SLC4A7: variants seen among roughly 807,000 people sequenced by gnomAD.
The protein encoded by SLC4A7 is sodium bicarbonate cotransporter 3.
In SLC4A7, 51 loss-of-function variants were observed where a neutral mutation model predicts 137.6. That is an observed-to-expected ratio of 0.37 (90% CI 0.30 to 0.47). The LOEUF (loss-of-function observed/expected upper bound fraction) is 0.47. Ranked by LOEUF, SLC4A7 falls within the 20% of genes least tolerant of loss-of-function variation. SLC4A7 has a pLI of 1.00. For synonymous variants in SLC4A7, 542 were observed against 518.6 expected (o/e 1.05, Z -0.61); for missense variants, 1,247 against 1,525.4 (o/e 0.82, Z 3.04).
chr3:27,393,514 C>T (rs944524679), intron 20 of SLC4A7, among the ~76,000 whole-genome samples: 3 of 152,050 alleles, frequency 2.0e-5, no homozygotes, highest in African/African-American at 7.2e-5. Flanking sequence ...AAAGGGGAAC[C>T]TGCATATACA....
At chr3:27,451,937 T>C (rs557595893) in intron 2 of SLC4A7, among the ~76,000 whole-genome samples, 7 of 152,216 alleles carry the variant, frequency 4.6e-5, no homozygotes, top group African/African-American at 1.7e-4. Flanking sequence ...AAAGAAACCA[T>C]TTGCCAGGAC....
At chr3:27,451,760 T>C (rs371033885) in intron 2 of SLC4A7, among the ~76,000 whole-genome samples, 1 of 152,120 alleles carries the variant, frequency 6.6e-6, no homozygotes, top group African/African-American at 2.4e-5. Context: ...TAGTAATTAG[T>C]CAGATTCTAA....
At chr3:27,383,540 T>A (rs1452939072) in intron 23 of SLC4A7, among the ~76,000 whole-genome samples, 1 of 152,240 alleles carries the variant, frequency 6.6e-6, no homozygotes, top group African/African-American at 2.4e-5. Flanking sequence ...TCAATTATTA[T>A]GTAGGTTTAT....
intron 6 of SLC4A7, among the ~76,000 whole-genome samples, chr3:27,432,390 C>T (rs2056386177): frequency 6.6e-6 from 1 of 152,104 alleles, no homozygotes; most frequent in African/African-American, 2.4e-5. Flanking sequence ...AAAACAAATA[C>T]ATATAATTTT....
At chr3:27,482,538 A>T (rs1488349766) in intron 1 of SLC4A7, among the ~76,000 whole-genome samples, 4 of 152,220 alleles carry the variant, frequency 2.6e-5, no homozygotes, top group Non-Finnish European at 5.9e-5. Flanking sequence ...TGGGAGGCCG[A>T]GGCGGGTGGA....
intron 5 of SLC4A7, among the ~76,000 whole-genome samples, chr3:27,435,945 A>G (rs2150400392): frequency 6.6e-6 from 1 of 152,338 alleles, no homozygotes; most frequent in Non-Finnish European, 1.5e-5. Flanking sequence ...AGAAATCTGT[A>G]TATTCACACA....
chr3:27,388,921 C>A (rs938128688), intron 22 of SLC4A7, among the ~76,000 whole-genome samples: 2 of 112,326 alleles, frequency 1.8e-5, no homozygotes, highest in Non-Finnish European at 4.8e-5. Flanking sequence ...AGTTTATTGA[C>A]CTCTGCTCTA....
intron 6 of SLC4A7, among the ~76,000 whole-genome samples, chr3:27,433,614 C>T (rs1021229133): frequency 1.3e-5 from 2 of 151,646 alleles, no homozygotes; most frequent in African/African-American, 4.9e-5. Flanking sequence ...TCCAAAAACA[C>T]TTGTTTATAC....
chr3:27,411,559 C>T, intron 12 of SLC4A7, 83 bp downstream of exon 12: 3 of 661,670 alleles, frequency 4.5e-6, no homozygotes, highest in Non-Finnish European at 6.8e-6. Flanking sequence ...AGATTAGGTT[C>T]CAAACACTTG....
At chr3:27,469,627 C>T (rs762787491) in intron 1 of SLC4A7, among the ~76,000 whole-genome samples, 1 of 152,102 alleles carries the variant, frequency 6.6e-6, no homozygotes, top group Non-Finnish European at 1.5e-5. Context: ...GTGGCACATG[C>T]CTGTAATACC....
chr3:27,479,648 T>G (rs1421544480), intron 1 of SLC4A7, among the ~76,000 whole-genome samples: 1 of 152,204 alleles, frequency 6.6e-6, no homozygotes, highest in African/African-American at 2.4e-5. Context: ...CAAATAGTCC[T>G]AAATTTTTCC....
chr3:27,422,878 G>A (rs1378824470), intron 8 of SLC4A7: 1 of 443,022 alleles, frequency 2.3e-6, no homozygotes. Flanking sequence ...CACAAAGATA[G>A]GCCAAGTAAA....
At chr3:27,456,971 ACC>A (rs2058447596) in intron 1 of SLC4A7, 1 of 979,786 alleles carries the variant, frequency 1.0e-6, no homozygotes, top group Non-Finnish European at 1.2e-6. Flanking sequence ...TTCAACTGAA[ACC>A]TTTCTGCAAT....
rs2050904829 is a variant in SLC4A7 at position 27,386,011 on chromosome 3, C to G, written c.3373G>C (p.Val1125Leu). Residue 1125 changes from valine (V) to leucine (L), a missense_variant, in exon 23 of 26, where the codon GTG becomes CTG. Transcript: ENST00000454389. ...VVFPMMVLAL[V>L]FVRKLMDLCF... ...AGGTCCATGAGTTTGCGCACAAACA[C>G]TAATGCAAGAACCTTTAAAAAGTGG... 6.2e-7 allele frequency: 1 copy of G among 1,603,338 alleles called. No individual in the cohort carries two copies. Among genetic ancestry groups the G allele is most frequent in the African/African-American group, 1.3e-5 (1 of 74,214 alleles).
At chr3:27,468,263 C>T (rs1281174551) in intron 1 of SLC4A7, among the ~76,000 whole-genome samples, 3 of 152,080 alleles carry the variant, frequency 2.0e-5, no homozygotes, top group Admixed American at 2.0e-4. Flanking sequence ...AAACAATTTA[C>T]ACATGTTTGA....
intron 7 of SLC4A7, among the ~76,000 whole-genome samples, chr3:27,427,539 CT>C (rs996910993): frequency 2.6e-5 from 4 of 152,000 alleles, no homozygotes; most frequent in African/African-American, 9.7e-5. Context: ...GGAAATACCA[CT>C]TTTTTATTAT....
intron 1 of SLC4A7, 149 bp downstream of exon 1, chr3:27,483,918 G>A (rs1276087387): frequency 8.4e-6 from 3 of 356,760 alleles, no homozygotes; most frequent in Non-Finnish European, 1.2e-5. Flanking sequence ...CAAAGGGGAT[G>A]GCGAGGCGCG....
chr3:27,435,333 TC>T (rs892682843), intron 5 of SLC4A7, among the ~76,000 whole-genome samples: 3 of 152,036 alleles, frequency 2.0e-5, no homozygotes, highest in Non-Finnish European at 4.4e-5. Context: ...CCTTCAAATC[TC>T]CCCCTTTCAT....
chr3:27,430,100 T>C (rs2056112073), intron 7 of SLC4A7, among the ~76,000 whole-genome samples: 1 of 151,834 alleles, frequency 6.6e-6, no homozygotes, highest in Admixed American at 6.6e-5. Flanking sequence ...TCTCAGCTAC[T>C]CAGAATGCTG....
Sources: gnomAD v4.1 joint callset for allele counts (sites outside exome capture counted in the v4.1 genomes callset) on GRCh38, gnomAD v4.1.1 for gene constraint, MANE v1.5 for transcripts, NCBI Gene and HGNC (gene_info 2026-07-23, HGNC 2026-07-21) for gene names.